PIEZO2: variants seen among roughly 807,000 people sequenced by gnomAD.
PIEZO2 encodes piezo type mechanosensitive ion channel component 2.
A neutral mutation model predicts 337.3 loss-of-function variants in PIEZO2; 172 were observed. The observed-to-expected ratio is 0.51, with a 90% CI of 0.45 to 0.58. The LOEUF (loss-of-function observed/expected upper bound fraction) is 0.58, where lower values mean the gene tolerates loss of function less well. Ranked by LOEUF, PIEZO2 falls within the 20% of genes least tolerant of loss-of-function variation. PIEZO2 has a pLI of 0.00. For missense variants in PIEZO2, 3,028 were observed against 3,391.3 expected (o/e 0.89, Z 2.66); for synonymous variants, 1,251 against 1,228.5 (o/e 1.02, Z -0.38).
In PIEZO2 at chr18:11,132,789, C is replaced by T. The variant is rs1251362475; in HGVS notation, c.64+15736G>A. On this transcript the variant is annotated intron_variant, in intron 1 of 55. Coordinates refer to ENST00000674853, the MANE Select transcript of PIEZO2 (RefSeq NM_001378183.1). This position sits in a 1 kb window ranked among gnomAD's most constrained non-coding sequence, Gnocchi z 4.7. ...GCTAAGAAGGGAGTTACAGTGTTGG[C>T]TGCGGTGACTGACCCAGAATCACTG... is the stretch of plus-strand genomic sequence containing the variant. Among the ~76,000 whole-genome samples, 2 of 152,140 alleles carry T rather than the reference C, an allele frequency of 1.3e-5. No homozygotes were observed. The highest frequency in any genetic ancestry group is 4.8e-5 in the African/African-American group (2 of 41,428).
intron 2 of PIEZO2, among the ~76,000 whole-genome samples, chr18:10,991,652 C>T (rs1372029566): frequency 6.6e-6 from 1 of 152,058 alleles, no homozygotes; most frequent in Admixed American, 6.6e-5. Flanking sequence ...GGGTTGGTTC[C>T]AAGTCTTTGT....
At chr18:10,768,057 T>C (rs1307223320) in intron 21 of PIEZO2, among the ~76,000 whole-genome samples, 1 of 152,170 alleles carries the variant, frequency 6.6e-6, no homozygotes, top group Non-Finnish European at 1.5e-5. Context: ...AAAGAGCCTC[T>C]GTACAGTGGA....
chr18:10,714,633 A>T (rs2143871840), intron 39 of PIEZO2, 131 bp downstream of exon 39: 1 of 999,758 alleles, frequency 1.0e-6, no homozygotes, highest in East Asian at 2.6e-5. Context: ...AGATGGCGAC[A>T]GCTGGAAGAG....
chr18:11,068,373 G>A (rs570664557), intron 1 of PIEZO2, among the ~76,000 whole-genome samples: 1 of 152,100 alleles, frequency 6.6e-6, no homozygotes, highest in South Asian at 2.1e-4. Context: ...AAAAACAGGA[G>A]GAATTTCAGA....
In PIEZO2 at chr18:10,795,054, C is replaced by T. The variant is rs1483488844; in HGVS notation, c.1528-52G>A. ...ACCATGGTCAATACAATGCTCAGTC[C>T]CCCCCGCCCTGGTAAGGTAAAAACT... On this transcript the variant is annotated intron_variant, in intron 12 of 55. Coordinates refer to ENST00000674853, the MANE Select transcript of PIEZO2 (RefSeq NM_001378183.1). The surrounding 1 kb of genome is among the most constrained non-coding windows in gnomAD (Gnocchi z 4.4). 1.4e-6 allele frequency: 2 copies of T among 1,400,582 alleles called. No individual in the cohort carries two copies. The highest frequency in any genetic ancestry group is 1.4e-5 in the African/African-American group (1 of 69,746). The allele number at this position is 1,400,582 out of a possible 1,614,324, so 86.8% of individuals were successfully genotyped here.
At chr18:10,991,572 A>G (rs1399887562) in intron 2 of PIEZO2, among the ~76,000 whole-genome samples, 1 of 152,064 alleles carries the variant, frequency 6.6e-6, no homozygotes, top group Non-Finnish European at 1.5e-5. Context: ...ATCCTTTTCT[A>G]TGGCTGCATA....
At chr18:10,879,489 G>A (rs867974216) in intron 4 of PIEZO2, among the ~76,000 whole-genome samples, 13 of 135,918 alleles carry the variant, frequency 9.6e-5, no homozygotes, top group African/African-American at 2.5e-4. Flanking sequence ...TCCGCCTCCC[G>A]GGTTCATGCC....
At chr18:11,050,073 G>T (rs559829597) in intron 2 of PIEZO2, among the ~76,000 whole-genome samples, 3 of 152,002 alleles carry the variant, frequency 2.0e-5, no homozygotes, top group African/African-American at 7.2e-5. Flanking sequence ...CCAATATAAG[G>T]CAACAATGGA....
chr18:10,922,577 G>T (rs2031493621), intron 3 of PIEZO2, among the ~76,000 whole-genome samples: 1 of 152,058 alleles, frequency 6.6e-6, no homozygotes, highest in South Asian at 2.1e-4. Context: ...TGAGCGAGGA[G>T]AAGACCCTGA....
At chr18:11,086,107 G>C (rs995459103) in intron 1 of PIEZO2, among the ~76,000 whole-genome samples, 1 of 152,168 alleles carries the variant, frequency 6.6e-6, no homozygotes, top group Admixed American at 6.5e-5. Flanking sequence ...AAGAATTTTA[G>C]AAACTGATAT....
At chr18:10,889,082 T>C (rs1183285570) in intron 4 of PIEZO2, among the ~76,000 whole-genome samples, 1 of 152,146 alleles carries the variant, frequency 6.6e-6, no homozygotes, top group Non-Finnish European at 1.5e-5. Flanking sequence ...TGATTCTTGG[T>C]AAAAAGAGGC....
chr18:10,693,480 CT>C (rs1319527957), intron 47 of PIEZO2, among the ~76,000 whole-genome samples: 1 of 151,958 alleles, frequency 6.6e-6, no homozygotes, highest in Non-Finnish European at 1.5e-5. Context: ...AGCGATTCTC[CT>C]GCCTCAGCCT....
intron 2 of PIEZO2, among the ~76,000 whole-genome samples, chr18:11,036,541 C>A (rs1405744752): frequency 2.6e-5 from 4 of 151,816 alleles, no homozygotes; most frequent in Non-Finnish European, 5.9e-5. Flanking sequence ...AGCAACCTTA[C>A]ATTCTGTGGA....
rs536786638 is a variant in PIEZO2 at position 11,033,975 on chromosome 18, A to C, written c.160+32152T>G. 2.0e-5 allele frequency among the ~76,000 whole-genome samples: 3 copies of C among 152,272 alleles called. No individual in the cohort carries two copies. The South Asian group carries it at 6.2e-4, about 32-fold the overall frequency. On this transcript the variant is annotated intron_variant, in intron 2 of 55. Transcript: ENST00000674853. The surrounding 1 kb of genome is among the most constrained non-coding windows in gnomAD (Gnocchi z 4.2). ...TAATGTTGTGCTGATTTGAAACTGA[A>C]GGGGAAAAAAACCCTCAGATTTAAA...
chr18:10,889,227 T>C (rs778838943), intron 4 of PIEZO2, among the ~76,000 whole-genome samples: 11 of 152,214 alleles, frequency 7.2e-5, no homozygotes, highest in Non-Finnish European at 1.6e-4. Context: ...ATCAGTTTTT[T>C]CCCCTTTCTG....
At position 11,102,538 on chromosome 18, in the gene PIEZO2, T is replaced by G. The variant is rs2039451830; in HGVS notation, c.65-36316A>C. 6.6e-6 allele frequency among the ~76,000 whole-genome samples: 1 copy of G among 152,188 alleles called. No homozygotes were observed. On this transcript the variant is annotated intron_variant, in intron 1 of 55. Coordinates refer to ENST00000674853, the MANE Select transcript of PIEZO2 (RefSeq NM_001378183.1). The surrounding 1 kb of genome is among the most constrained non-coding windows in gnomAD (Gnocchi z 5.7). ...TAGGGCAGAGCAGAGGATGGGGCTA[T>G]GGGGAGAGGAAGCATCGGGGGTGAA...
Position 10,705,390 on chromosome 18 carries a change from C to G in PIEZO2, c.5945G>C (p.Ser1982Thr). Residue 1982 changes from serine (S) to threonine (T), a missense_variant, in exon 41 of 56, where the codon AGC (serine) becomes ACC (threonine). Around this residue, in one of 5 missense-constraint regions of PIEZO2, gnomAD observed 1,925 missense variants for 2,051.9 expected, o/e 0.94. Transcript: ENST00000674853. ...CTCATGGGTCAGGGGAGGTAAGATG[C>G]TGGACCCCAGCTTGTCGGTGCGGCT... ...DDSRTDKLGS[S>T]ILPPLTHELT... 6.5e-7 allele frequency: 1 copy of G among 1,537,214 alleles called. No individual in the cohort carries two copies. Among genetic ancestry groups the G allele is most frequent in the Non-Finnish European group, 8.7e-7 (1 of 1,146,880 alleles).
At chr18:10,838,810 C>T (rs2144591053) in intron 7 of PIEZO2, among the ~76,000 whole-genome samples, 1 of 152,284 alleles carries the variant, frequency 6.6e-6, no homozygotes, top group East Asian at 1.9e-4. Context: ...ACTCCCATGA[C>T]CAGCTGGTCT....
intron 2 of PIEZO2, among the ~76,000 whole-genome samples, chr18:10,998,023 C>A (rs1338959526): frequency 6.6e-6 from 1 of 152,086 alleles, no homozygotes; most frequent in Non-Finnish European, 1.5e-5. Flanking sequence ...AGAAAAATGT[C>A]ACATTATGTG....
Sources: gnomAD v4.1 joint callset for allele counts (sites outside exome capture counted in the v4.1 genomes callset) on GRCh38, gnomAD v4.1.1 for gene constraint, gnomAD v4.1.1 regional missense constraint, Gnocchi (gnomAD v3.1) non-coding constraint, MANE v1.5 for transcripts, NCBI Gene and HGNC (gene_info 2026-07-23, HGNC 2026-07-21) for gene names.